Variants in BBS9 observed in about 807,000 individuals in gnomAD.
The protein encoded by BBS9 is protein PTHB1.
BBS9 carries 89 observed loss-of-function variants against 117.7 expected under a neutral mutation model. The observed-to-expected ratio is 0.76, with a 90% CI of 0.64 to 0.90. The LOEUF (loss-of-function observed/expected upper bound fraction) is 0.90. Among genes scored for constraint, BBS9 ranks in the 40% least tolerant of loss-of-function variants. The probability of loss-of-function intolerance (pLI) is 0.00; values close to 1 mark genes in which losing one functional copy is unlikely to be tolerated. For synonymous variants in BBS9, 379 were observed against 370.9 expected (o/e 1.02, Z -0.25); for missense variants, 982 against 1,042.2 (o/e 0.94, Z 0.80).
chr7:33,375,595 CTTT>C (rs11344728), intron 17 of BBS9, among the ~76,000 whole-genome samples: 10 of 127,434 alleles, frequency 7.8e-5, no homozygotes, highest in Non-Finnish European at 1.4e-4. Context: ...TTCTTTCTTT[CTTT>C]TTTTTTTTTT....
At chr7:33,375,591 CTTTCTTTTTTT>C (rs1379023276) in intron 17 of BBS9, among the ~76,000 whole-genome samples, 2 of 144,840 alleles carry the variant, frequency 1.4e-5, no homozygotes, top group Non-Finnish European at 3.0e-5. Flanking sequence ...TTCTTTCTTT[CTTTCTTTTTTT>C]TTTTTTTTTG....
At chr7:33,519,923 A>C (rs1422048663) in intron 20 of BBS9, among the ~76,000 whole-genome samples, 1 of 152,134 alleles carries the variant, frequency 6.6e-6, no homozygotes, top group African/African-American at 2.4e-5. Context: ...CCTCAGTTGG[A>C]AGTTATAATA....
intron 5 of BBS9, among the ~76,000 whole-genome samples, chr7:33,222,561 CT>C (rs1415513014): frequency 2.0e-5 from 3 of 152,224 alleles, no homozygotes; most frequent in African/African-American, 7.2e-5. Flanking sequence ...TGTTCCAGGT[CT>C]CCCCCGGTTT....
intron 19 of BBS9, among the ~76,000 whole-genome samples, chr7:33,466,859 T>C (rs556323312): frequency 9.2e-5 from 14 of 152,114 alleles, no homozygotes; most frequent in Non-Finnish European, 1.9e-4. Flanking sequence ...ATGGGTTTAT[T>C]AGAGGCTCTG....
intron 21 of BBS9, among the ~76,000 whole-genome samples, chr7:33,602,162 G>C (rs1863889634): frequency 6.6e-6 from 1 of 151,964 alleles, no homozygotes; most frequent in African/African-American, 2.4e-5. Context: ...GCACCTGGGA[G>C]TGCCTCTTTC....
chr7:33,167,664 G>A (rs1583436008), intron 4 of BBS9, among the ~76,000 whole-genome samples: 1 of 152,062 alleles, frequency 6.6e-6, no homozygotes, highest in African/African-American at 2.4e-5. Context: ...CTCCCAAAGT[G>A]CTGGGAGTAC....
chr7:33,261,708 G>A (rs1183395541), intron 6 of BBS9, among the ~76,000 whole-genome samples: 1 of 152,210 alleles, frequency 6.6e-6, no homozygotes, highest in Non-Finnish European at 1.5e-5. Context: ...ATTTGGAAGA[G>A]TATTAAATTA....
At chr7:33,465,966 C>T (rs556419609) in intron 19 of BBS9, among the ~76,000 whole-genome samples, 55 of 152,212 alleles carry the variant, frequency 3.6e-4, no homozygotes, top group African/African-American at 1.3e-3. Flanking sequence ...GATCATTTAA[C>T]TAGCAGTAGT....
chr7:33,238,992 T>C (rs187944044), intron 5 of BBS9, among the ~76,000 whole-genome samples: 1 of 152,286 alleles, frequency 6.6e-6, no homozygotes, highest in Admixed American at 6.5e-5. Context: ...GATATTTCTT[T>C]AGAATCAAAT....
chr7:33,192,160 G>A (rs1216658635), intron 5 of BBS9, among the ~76,000 whole-genome samples: 2 of 152,166 alleles, frequency 1.3e-5, no homozygotes, highest in African/African-American at 2.4e-5. Context: ...GTCTGGTGCT[G>A]TATAATGGAA....
intron 19 of BBS9, among the ~76,000 whole-genome samples, chr7:33,493,090 G>C (rs1216402997): frequency 6.6e-6 from 1 of 151,996 alleles, no homozygotes; most frequent in Non-Finnish European, 1.5e-5. Context: ...CACCTCCCAG[G>C]TTCAAGTGAT....
At chr7:33,243,563 G>A (rs925608396) in intron 5 of BBS9, among the ~76,000 whole-genome samples, 2 of 152,178 alleles carry the variant, frequency 1.3e-5, no homozygotes, top group African/African-American at 4.8e-5. Context: ...ATTTTAACAA[G>A]TCAGAATATT....
intron 19 of BBS9, among the ~76,000 whole-genome samples, chr7:33,472,393 A>G (rs1462341744): frequency 6.6e-6 from 1 of 152,202 alleles, no homozygotes; most frequent in East Asian, 1.9e-4. Flanking sequence ...CATTTTCCAG[A>G]AAAATATGTA....
intron 5 of BBS9, among the ~76,000 whole-genome samples, chr7:33,210,654 C>T (rs977232966): frequency 6.6e-6 from 1 of 152,220 alleles, no homozygotes; most frequent in African/African-American, 2.4e-5. Flanking sequence ...TCTCCTGCCT[C>T]AGCATCCTGA....
intron 9 of BBS9, among the ~76,000 whole-genome samples, chr7:33,285,160 T>G (rs909213153): frequency 6.6e-6 from 1 of 152,180 alleles, no homozygotes; most frequent in Non-Finnish European, 1.5e-5. Flanking sequence ...AGGGTAGTTA[T>G]AAAATATGTT....
intron 20 of BBS9, among the ~76,000 whole-genome samples, chr7:33,532,054 C>G (rs183851685): frequency 6.6e-6 from 1 of 152,324 alleles, no homozygotes; most frequent in Admixed American, 6.5e-5. Flanking sequence ...ACCAGACATG[C>G]AAACAGCACC....
chr7:33,156,577 G>A (rs1794119872), intron 4 of BBS9, among the ~76,000 whole-genome samples: 1 of 152,128 alleles, frequency 6.6e-6, no homozygotes, highest in South Asian at 2.1e-4. Context: ...ATATTCTTAG[G>A]CAGTCTCTTT....
At chr7:33,441,842 A>G (rs1836241792) in intron 19 of BBS9, among the ~76,000 whole-genome samples, 1 of 151,908 alleles carries the variant, frequency 6.6e-6, no homozygotes, top group African/African-American at 2.4e-5. Context: ...GTTATCTCAA[A>G]GATTGCCCAT....
In BBS9 at chr7:33,146,453, T is replaced by G. The variant is rs77462109; in HGVS notation, c.112+89T>G. ...CGGTGGCCGACTGCTGTAATCTCAG[T>G]TCTTTTGGGAGGCCGACGTGGGCAG... is the stretch of plus-strand genomic sequence containing the variant. On this transcript the variant is annotated intron_variant, in intron 2 of 22. Transcript: ENST00000242067. 198,106 of 1,090,752 alleles carry G rather than the reference T, an allele frequency of 0.18. 19,528 individuals carry two copies. The highest frequency in any genetic ancestry group is 0.23 in the South Asian group (18,416 of 79,654). 67.6% of individuals were successfully genotyped at this position (1,090,752 alleles called of 1,614,324 possible). A position where few individuals can be genotyped will look rare whatever the true frequency, so the allele number is the denominator to read the frequency against.
Sources: allele counts gnomAD v4.1 joint callset (sites outside exome capture counted in the v4.1 genomes callset), GRCh38; gene constraint gnomAD v4.1.1; transcripts MANE v1.5; gene names NCBI Gene and HGNC (gene_info 2026-07-23, HGNC 2026-07-21).